GRIN2B: variants seen among roughly 807,000 people sequenced by gnomAD.
GRIN2B encodes the protein glutamate ionotropic receptor NMDA type subunit 2B, also known as glutamate receptor ionotropic, NMDA 2B.
GRIN2B carries 5 observed loss-of-function variants against 114.5 expected under a neutral mutation model. The observed-to-expected ratio is 0.04, with a 90% CI of 0.02 to 0.09. The LOEUF (loss-of-function observed/expected upper bound fraction) is 0.09. GRIN2B is among the 10% of genes least tolerant of loss of function. The probability of loss-of-function intolerance (pLI) is 1.00; values close to 1 mark genes in which losing one functional copy is unlikely to be tolerated. For missense variants in GRIN2B, 1,108 were observed against 1,943.5 expected (o/e 0.57, Z 8.08); for synonymous variants, 787 against 745.1 (o/e 1.06, Z -0.92).
At chr12:13,734,369 G>A (rs1863145393) in intron 4 of GRIN2B, among the ~76,000 whole-genome samples, 1 of 152,120 alleles carries the variant, frequency 6.6e-6, no homozygotes, top group East Asian at 1.9e-4. Context: ...GATATAAAAG[G>A]AATAAAGAGC....
intron 5 of GRIN2B, among the ~76,000 whole-genome samples, chr12:13,671,827 A>C (rs532830888): frequency 6.6e-6 from 1 of 152,264 alleles, no homozygotes; most frequent in South Asian, 2.1e-4. Context: ...GAAGGGTCAG[A>C]ATTACAGAGG....
At chr12:13,583,520 T>C (rs1435341918) in intron 10 of GRIN2B, among the ~76,000 whole-genome samples, 1 of 152,138 alleles carries the variant, frequency 6.6e-6, no homozygotes, top group African/African-American at 2.4e-5. Flanking sequence ...GAATGGATGC[T>C]CAGAAAATGT....
intron 2 of GRIN2B, among the ~76,000 whole-genome samples, chr12:13,893,010 C>A (rs1037000295): frequency 6.6e-6 from 1 of 152,098 alleles, no homozygotes; most frequent in Non-Finnish European, 1.5e-5. Context: ...ATGACCTGAC[C>A]AAAACCATCC....
chr12:13,684,418 C>G (rs1950158815), intron 4 of GRIN2B, among the ~76,000 whole-genome samples: 1 of 152,120 alleles, frequency 6.6e-6, no homozygotes, highest in Non-Finnish European at 1.5e-5. Context: ...TGCAGAATAC[C>G]AAAGTTGCTT....
chr12:13,753,352 G>T lies in GRIN2B; in HGVS notation c.975C>A (p.His325Gln). 8 of 1,609,106 alleles carry T rather than the reference G, an allele frequency of 5.0e-6. No individual in the cohort carries two copies. Among genetic ancestry groups the T allele is most frequent in the Non-Finnish European group, 6.0e-6 (7 of 1,175,444 alleles). Residue 325 changes from histidine (H) to glutamine (Q), a missense_variant, in exon 4 of 14, where the codon CAC (histidine) becomes CAA (glutamine). Physicochemically the swap from His to Gln is conservative, Grantham distance 24. Transcript: ENST00000609686. This position sits in a 1 kb window ranked among gnomAD's most constrained non-coding sequence, Gnocchi z 6.2. The part of the protein sequence containing the change: ...PEPKSSCYNT[H>Q]EKRIYQSNML... ...TATTGGACTGGTAGATTCTCTTCTCGTGGGTGTTGTAACAACTGCTTTTGG... is the reference window on the plus strand; with the variant it reads ...TATTGGACTGGTAGATTCTCTTCTCTTGGGTGTTGTAACAACTGCTTTTGG...
At chr12:13,958,532 C>T (rs1867634084) in intron 2 of GRIN2B, among the ~76,000 whole-genome samples, 1 of 152,208 alleles carries the variant, frequency 6.6e-6, no homozygotes, top group Non-Finnish European at 1.5e-5. Context: ...TAGGTTAGTA[C>T]ACAATATGTT....
At chr12:13,649,548 T>C (rs61912877) in intron 5 of GRIN2B, among the ~76,000 whole-genome samples, 12,711 of 152,186 alleles carry the variant, frequency 0.084, 570 homozygotes, top group Non-Finnish European at 0.1. Context: ...ATGTGCATTT[T>C]AACTCTTCGA....
At chr12:13,906,219 C>CT (rs1246837819) in intron 2 of GRIN2B, among the ~76,000 whole-genome samples, 6 of 152,136 alleles carry the variant, frequency 3.9e-5, no homozygotes, top group Non-Finnish European at 8.8e-5. Context: ...AATGAATGGT[C>CT]TTTTTTATGC....
intron 4 of GRIN2B, among the ~76,000 whole-genome samples, chr12:13,714,847 A>G (rs76819750): frequency 0.029 from 4,477 of 152,004 alleles, 172 homozygotes; most frequent in African/African-American, 0.086. Context: ...CCTGAATAAC[A>G]TATGTTGTCT....
At chr12:13,704,233 T>G (rs2136572086) in intron 4 of GRIN2B, among the ~76,000 whole-genome samples, 1 of 152,200 alleles carries the variant, frequency 6.6e-6, no homozygotes, top group South Asian at 2.1e-4. Context: ...TGAGGAGGAC[T>G]TAGCCAGATG....
chr12:13,891,117 T>C (rs1159055279), intron 2 of GRIN2B, among the ~76,000 whole-genome samples: 1 of 152,226 alleles, frequency 6.6e-6, no homozygotes, highest in Non-Finnish European at 1.5e-5. Flanking sequence ...TGCAATGCCC[T>C]GGATACTGGA....
At chr12:13,930,474 G>A (rs558164016) in intron 2 of GRIN2B, among the ~76,000 whole-genome samples, 9 of 152,062 alleles carry the variant, frequency 5.9e-5, no homozygotes, top group African/African-American at 1.2e-4. Context: ...ATTCACCCAC[G>A]CAACAGCAGC....
intron 2 of GRIN2B, among the ~76,000 whole-genome samples, chr12:13,877,430 C>T (rs1866006831): frequency 6.6e-6 from 1 of 152,218 alleles, no homozygotes; most frequent in Admixed American, 6.5e-5. Flanking sequence ...TAGTTAGCCA[C>T]ACAACTAAGC....
chr12:13,738,536 C>T (rs969910162), intron 4 of GRIN2B, among the ~76,000 whole-genome samples: 9 of 152,144 alleles, frequency 5.9e-5, no homozygotes, highest in Middle Eastern at 3.2e-3. Flanking sequence ...AAATCATGAC[C>T]ACCTGCAAGA....
chr12:13,885,330 T>C (rs1024252619), intron 2 of GRIN2B, among the ~76,000 whole-genome samples: 3 of 152,092 alleles, frequency 2.0e-5, no homozygotes, highest in African/African-American at 7.2e-5. Flanking sequence ...GGGTGAAAAA[T>C]CTGACTTAAG....
chr12:13,906,951 G>A (rs967050956), intron 2 of GRIN2B, among the ~76,000 whole-genome samples: 1 of 152,064 alleles, frequency 6.6e-6, no homozygotes, highest in Admixed American at 6.5e-5. Flanking sequence ...AGCATACTAG[G>A]TTACTTAGCC....
intron 3 of GRIN2B, among the ~76,000 whole-genome samples, chr12:13,791,658 G>A (rs1281945678): frequency 2.0e-5 from 3 of 151,880 alleles, no homozygotes; most frequent in African/African-American, 7.3e-5. Flanking sequence ...AGCCTTATGA[G>A]GTAGGAATTT....
intron 3 of GRIN2B, among the ~76,000 whole-genome samples, chr12:13,811,216 A>G (rs756325688): frequency 1.3e-4 from 20 of 152,094 alleles, no homozygotes; most frequent in Non-Finnish European, 2.4e-4. Context: ...TCCTATTCTC[A>G]TCTGGTAAGG....
At chr12:13,675,687 T>A in intron 5 of GRIN2B, 58 bp downstream of exon 5, 1 of 1,058,782 alleles carries the variant, frequency 9.4e-7, no homozygotes, top group Admixed American at 1.7e-5. Context: ...TTCATTGTGT[T>A]GCAAAATTTC....
Sources: gnomAD v4.1 joint callset for allele counts (sites outside exome capture counted in the v4.1 genomes callset) on GRCh38, gnomAD v4.1.1 for gene constraint, Gnocchi (gnomAD v3.1) non-coding constraint, MANE v1.5 for transcripts, NCBI Gene and HGNC (gene_info 2026-07-23, HGNC 2026-07-21) for gene names.